Variants in RDH13 observed in about 807,000 individuals in gnomAD.
RDH13 encodes retinol dehydrogenase 13.
A neutral mutation model predicts 28.3 loss-of-function variants in RDH13; 35 were observed. That is an observed-to-expected ratio of 1.24 (90% CI 0.95 to 1.64). The LOEUF (loss-of-function observed/expected upper bound fraction) is 1.64, where lower values mean the gene tolerates loss of function less well. RDH13 is among the 40% of genes most tolerant of loss of function. The pLI, the probability that RDH13 is intolerant of heterozygous loss-of-function variation, is 0.00. For missense variants in RDH13, 514 were observed against 446.3 expected (o/e 1.15, Z -1.37); for synonymous variants, 229 against 198.5 (o/e 1.15, Z -1.29).
intron 3 of RDH13, among the ~76,000 whole-genome samples, chr19:55,055,400 GCCTCA>G (rs1334447052): frequency 6.6e-6 from 1 of 151,940 alleles, no homozygotes; most frequent in African/African-American, 2.4e-5. Flanking sequence ...GGATCCACCT[GCCTCA>G]GCCTCCCAAA....
intron 6 of RDH13, among the ~76,000 whole-genome samples, chr19:55,045,515 C>T (rs2075193054): frequency 6.6e-6 from 1 of 152,184 alleles, no homozygotes; most frequent in African/African-American, 2.4e-5. Context: ...CAAAAGCTGC[C>T]TCCCCCAAGG....
At chr19:55,067,381 G>C (rs1285967670), upstream of RDH13, 1 of 152,242 alleles carries the variant, frequency 6.6e-6, no homozygotes, top group Non-Finnish European at 1.5e-5. Flanking sequence ...ACGGCCATGT[G>C]AGCCGGCAAG....
chr19:55,057,286 A>G (rs1292012687), intron 2 of RDH13, among the ~76,000 whole-genome samples: 1 of 152,172 alleles, frequency 6.6e-6, no homozygotes, highest in Non-Finnish European at 1.5e-5. Context: ...GTTTCTTTCT[A>G]GGGTAACAGA....
At chr19:55,051,033 T>C (rs992671871) in intron 3 of RDH13, 6 of 144,960 alleles carry the variant, frequency 4.1e-5, no homozygotes, top group African/African-American at 1.3e-4. Flanking sequence ...AAAAGGATAA[T>C]AACATCACCT....
At chr19:55,059,124 T>G in intron 2 of RDH13, 33 bp downstream of exon 2, 1 of 1,382,962 alleles carries the variant, frequency 7.2e-7, no homozygotes, top group Non-Finnish European at 1.0e-6. Context: ...TGTACAGATA[T>G]CTCTCTGAGA....
intron 2 of RDH13, among the ~76,000 whole-genome samples, chr19:55,057,650 C>G (rs996314367): frequency 6.6e-6 from 1 of 151,798 alleles, no homozygotes; most frequent in Non-Finnish European, 1.5e-5. Flanking sequence ...GTTAGCCAAG[C>G]TAGTCTTGAA....
At chr19:55,060,498 A>C (rs1309596470) in intron 1 of RDH13, among the ~76,000 whole-genome samples, 1 of 152,194 alleles carries the variant, frequency 6.6e-6, no homozygotes, top group Admixed American at 6.5e-5. Context: ...TTGCTGAAAT[A>C]ATGAAGATAA....
intron 2 of RDH13, among the ~76,000 whole-genome samples, chr19:55,057,155 T>G (rs1377073849): frequency 1.3e-5 from 2 of 152,118 alleles, no homozygotes; most frequent in South Asian, 2.1e-4. Context: ...TCTATGTATA[T>G]GATTTCACAC....
chr19:55,064,999 A>G (rs2075934234), upstream of RDH13, among the ~76,000 whole-genome samples: 1 of 150,544 alleles, frequency 6.6e-6, no homozygotes, highest in South Asian at 2.1e-4. Flanking sequence ...GTTGCACAAC[A>G]ATGTGAATAT....
At chr19:55,049,056 G>A (rs1038543657) in intron 3 of RDH13, among the ~76,000 whole-genome samples, 8 of 152,274 alleles carry the variant, frequency 5.3e-5, no homozygotes, top group Non-Finnish European at 7.4e-5. Flanking sequence ...GGCCGCCCCC[G>A]CTGGAAGTGG....
chr19:55,062,723 A>AG (rs139810724), intron 1 of RDH13, among the ~76,000 whole-genome samples: 4,059 of 152,336 alleles, frequency 0.027, 172 homozygotes, highest in African/African-American at 0.091. Context: ...AACAAAATAA[A>AG]GAGTTTAAAA....
At chr19:55,042,212 C>CA (rs1210005541), downstream of RDH13, 5 of 151,220 alleles carry the variant, frequency 3.3e-5, no homozygotes, top group Non-Finnish European at 7.4e-5. Context: ...TTATCAAACT[C>CA]AAACGCTAGG....
chr19:55,061,599 A>G (rs1485403175), intron 1 of RDH13, among the ~76,000 whole-genome samples: 2 of 149,450 alleles, frequency 1.3e-5, no homozygotes, highest in Non-Finnish European at 3.0e-5. Flanking sequence ...GAGACCAGCC[A>G]TGGCCAACAT....
At chr19:55,052,863 C>T (rs563436802) in intron 3 of RDH13, among the ~76,000 whole-genome samples, 12 of 152,060 alleles carry the variant, frequency 7.9e-5, no homozygotes, top group South Asian at 2.1e-4. Context: ...GGGGTTTCAC[C>T]GTGTTGGCCA....
At chr19:55,059,133 G>A (rs1168058471) in intron 2 of RDH13, 24 bp downstream of exon 2, 2 of 1,458,148 alleles carry the variant, frequency 1.4e-6, no homozygotes, top group Non-Finnish European at 1.9e-6. Context: ...ATCTCTCTGA[G>A]AGCCAAAGCA....
At chr19:55,041,999 C>T (rs1204213522), downstream of RDH13, 4 of 152,116 alleles carry the variant, frequency 2.6e-5, no homozygotes, top group South Asian at 2.1e-4. Flanking sequence ...AAGCCCAGAA[C>T]GCTTCCTGGA....
At chr19:55,064,181 G>A (rs1262142613), upstream of RDH13, 1 of 152,246 alleles carries the variant, frequency 6.6e-6, no homozygotes, top group African/African-American at 2.4e-5. Flanking sequence ...CCAGCACTTT[G>A]GGAGGCCGAG....
chr19:55,066,644 C>CCTCTTT, upstream of RDH13, among the ~76,000 whole-genome samples: 1 of 148,302 alleles, frequency 6.7e-6, no homozygotes, highest in East Asian at 2.0e-4. Flanking sequence ...TCTCTCTCTC[C>CCTCTTT]CTCTTTCTCT....
chr19:55,058,699 GTTTTT>G (rs1433105349), intron 2 of RDH13, among the ~76,000 whole-genome samples: 1 of 150,916 alleles, frequency 6.6e-6, no homozygotes, highest in East Asian at 1.9e-4. Context: ...GTTTTGTTTT[GTTTTT>G]GAGTCTCACT....
Sources: gnomAD v4.1 joint callset for allele counts (sites outside exome capture counted in the v4.1 genomes callset) on GRCh38, gnomAD v4.1.1 for gene constraint, MANE v1.5 for transcripts, NCBI Gene and HGNC (gene_info 2026-07-23, HGNC 2026-07-21) for gene names.